The following TTF2 variants were observed in gnomAD, a reference collection of about 807,000 sequenced individuals.
TTF2 encodes transcription termination factor 2.
A neutral mutation model predicts 142.4 loss-of-function variants in TTF2; 108 were observed. That is an observed-to-expected ratio of 0.76 (90% CI 0.65 to 0.89). The LOEUF is 0.89. Ranked by LOEUF, TTF2 falls within the 40% of genes least tolerant of loss-of-function variation. The probability of loss-of-function intolerance (pLI) is 0.00; values close to 1 mark genes in which losing one functional copy is unlikely to be tolerated. For missense variants in TTF2, 1,327 were observed against 1,379.8 expected (o/e 0.96, Z 0.61); for synonymous variants, 483 against 506.2 (o/e 0.95, Z 0.61).
At chr1:117,095,130 G>A (rs1648994285) in intron 18 of TTF2, among the ~76,000 whole-genome samples, 179 bp from the exon 19 acceptor site, 1 of 152,230 alleles carries the variant, frequency 6.6e-6, no homozygotes, top group Non-Finnish European at 1.5e-5. Context: ...AGCCAGAGGG[G>A]TGAAGTGACA....
intron 3 of TTF2, among the ~76,000 whole-genome samples, chr1:117,068,262 T>G (rs1338609923): frequency 1.3e-5 from 2 of 152,176 alleles, no homozygotes; most frequent in Admixed American, 6.5e-5. Context: ...AATAATTGGT[T>G]GTGGTATCCT....
chr1:117,084,012 C>A lies in TTF2; in HGVS notation c.1904-6C>A. 6.2e-7 allele frequency: 1 copy of A among 1,612,534 alleles called. No individual in the cohort carries two copies. Among genetic ancestry groups the A allele is most frequent in the Non-Finnish European group, 8.5e-7 (1 of 1,179,492 alleles). ...AACTAGGCACTGATTTTTTTCCCTTCTCAAGACTCTTGTGACTTTACTTCC... is the reference window on the plus strand; with the variant it reads ...AACTAGGCACTGATTTTTTTCCCTTATCAAGACTCTTGTGACTTTACTTCC... On this transcript the variant is annotated splice_region_variant and splice_polypyrimidine_tract_variant and intron_variant, in intron 10 of 22. Transcript: ENST00000369466.
At chr1:117,067,524 C>CAAA (rs1161287519) in intron 3 of TTF2, among the ~76,000 whole-genome samples, 17 of 40,860 alleles carry the variant, frequency 4.2e-4, no homozygotes, top group African/African-American at 8.9e-4. Flanking sequence ...GACTCAGTCT[C>CAAA]AAAAAAAAAA....
chr1:117,086,315 T>C lies in TTF2; in HGVS notation c.2055-102T>C. The C allele has an allele frequency of 1.3e-6, 1 of 748,472 alleles. No homozygotes were observed. Among genetic ancestry groups the C allele is most frequent in the East Asian group, 2.6e-5 (1 of 38,702 alleles). The allele number at this position is 748,472 out of a possible 1,614,324, so 46.4% of individuals were successfully genotyped here. On this transcript the variant is annotated intron_variant, in intron 11 of 22. Transcript: ENST00000369466. The surrounding 1 kb of genome is among the most constrained non-coding windows in gnomAD (Gnocchi z 4.2). The stretch of plus-strand genomic sequence containing the variant: ...ACAAGTTAATGAGTTCTGCTGTTTG[T>C]CCTTCCATTTGTAGGCATTTTTATT...
rs545272018 is a variant in TTF2, at chr1:117,085,303, G to A, written c.2055-1114G>A. On this transcript the variant is annotated intron_variant, in intron 11 of 22. Transcript: ENST00000369466. This position sits in a 1 kb window ranked among gnomAD's most constrained non-coding sequence, Gnocchi z 4.7. ...GCATGGTGGCTCATGCCTATAATCC[G>A]AGCACTTTGGGAGGCCGAGGCAGGC... Among the ~76,000 whole-genome samples, 4 of 152,174 alleles carry A rather than the reference G, an allele frequency of 2.6e-5. No homozygotes were observed. The East Asian group carries it at 5.8e-4, about 22-fold the overall frequency.
At chr1:117,060,614 C>A in intron 2 of TTF2, 57 bp downstream of exon 2, 1 of 1,508,674 alleles carries the variant, frequency 6.6e-7, no homozygotes, top group Non-Finnish European at 8.9e-7. Context: ...CCGAGAGGAG[C>A]TTCCCGCTCC....
Position 117,093,370 on chromosome 1 carries a change from C to T in TTF2, c.2976+469C>T, listed in dbSNP as rs1648776194. Reference sequence around the variant, plus strand: ...TTCTGTCTTCATTAGTCATTCTGCTCTGTTTTCGTCAGAGCTTTTTAAGGC... The same window carrying T: ...TTCTGTCTTCATTAGTCATTCTGCTTTGTTTTCGTCAGAGCTTTTTAAGGC... On this transcript the variant is annotated intron_variant, in intron 18 of 22. Transcript: ENST00000369466. This position sits in a 1 kb window ranked among gnomAD's most constrained non-coding sequence, Gnocchi z 4.5. Among the ~76,000 whole-genome samples the T allele has an allele frequency of 6.6e-6, 1 of 152,172 alleles. No homozygotes were observed. Among genetic ancestry groups the T allele is most frequent in the Non-Finnish European group, 1.5e-5 (1 of 68,018 alleles).
At chr1:117,069,604 G>A (rs563621134) in intron 3 of TTF2, among the ~76,000 whole-genome samples, 1 of 152,198 alleles carries the variant, frequency 6.6e-6, no homozygotes, top group African/African-American at 2.4e-5. Context: ...ACCGTATGAG[G>A]TATGGACTAT....
chr1:117,075,380 G>A lies in TTF2; in HGVS notation c.796G>A (p.Val266Ile), dbSNP rs774503283. 7 of 1,614,080 alleles carry A rather than the reference G, an allele frequency of 4.3e-6. No individual in the cohort carries two copies. The highest frequency in any genetic ancestry group is 5.9e-6 in the Non-Finnish European group (7 of 1,180,046). ...EKVTQLLPQN[V>I]HSHNSISKPQ... is the part of the protein sequence containing the mutation. ...GGTTACCCAGCTTTTGCCTCAAAAT[G>A]TTCACAGTCACAACTCAATAAGCAA... Residue 266 changes from valine (V) to isoleucine (I), a missense_variant, in exon 5 of 23, where the codon GTT becomes ATT. By Grantham distance (29) the Val-to-Ile change is conservative (BLOSUM62 3). Transcript: ENST00000369466. The surrounding 1 kb of genome is among the most constrained non-coding windows in gnomAD (Gnocchi z 4.5).
At chr1:117,065,426 A>G (rs61789117) in intron 3 of TTF2, among the ~76,000 whole-genome samples, 9 of 152,138 alleles carry the variant, frequency 5.9e-5, no homozygotes, top group East Asian at 5.8e-4. Flanking sequence ...GTGAAACCCC[A>G]TCTCTACTAA....
In TTF2 at chr1:117,098,906, A is replaced by G; in HGVS notation, c.3343A>G (p.Arg1115Gly). The part of the protein sequence containing the change: ...VGQQKDVVIH[R>G]FVCEGTVEEK... ...GCAGCAGAAAGATGTTGTCATACAC[A>G]GGTAAGTAATGGTCCCCAGGACCCA... Residue 1115 changes from arginine to glycine, a missense_variant and splice_region_variant, in exon 22 of 23, where the codon AGA (arginine) becomes GGA (glycine). Coordinates refer to ENST00000369466, the MANE Select transcript of TTF2 (RefSeq NM_003594.4). 6.2e-7 allele frequency: 1 copy of G among 1,612,632 alleles called. No homozygotes were observed. Among genetic ancestry groups the G allele is most frequent in the Admixed American group, 1.7e-5 (1 of 59,852 alleles).
Position 117,102,652 on chromosome 1 carries a change from A to G in TTF2, c.*1128A>G, listed in dbSNP as rs913794567. ...TTTTAATAGTATTTGTATTTTTACA[A>G]ATTTGCAGTATTTGTAGCATTTAGT... On this transcript the variant is annotated 3_prime_UTR_variant, in exon 23 of 23. Transcript: ENST00000369466. 1.3e-5 allele frequency: 2 copies of G among 152,138 alleles called. No homozygotes were observed. Among genetic ancestry groups the G allele is most frequent in the Non-Finnish European group, 2.9e-5 (2 of 68,022 alleles). The allele number at this position is 152,138 out of a possible 1,614,324, so 9.4% of individuals were successfully genotyped here. A position where few individuals can be genotyped will look rare whatever the true frequency, so the allele number is the denominator to read the frequency against.
At chr1:117,094,719 CT>C in intron 18 of TTF2, 1 of 453,060 alleles carries the variant, frequency 2.2e-6, no homozygotes, top group East Asian at 6.6e-5. Context: ...AGAGAAGTTA[CT>C]TTCCTAATAT....
At position 117,090,455 on chromosome 1, in the gene TTF2, T is replaced by C. The variant is rs1247806045; in HGVS notation, c.2497-77T>C. 2 of 1,381,350 alleles carry C rather than the reference T, an allele frequency of 1.4e-6. No homozygotes were observed. The highest frequency in any genetic ancestry group is 4.6e-5 in the East Asian group (2 of 43,412). The allele number at this position is 1,381,350 out of a possible 1,614,324, so 85.6% of individuals were successfully genotyped here. ...TCCAGGGTTGACTAGATATGCAGTG[T>C]CAGTATGGGGAATTTGTTCTATAAT... On this transcript the variant is annotated intron_variant, in intron 14 of 22. Transcript: ENST00000369466. This position sits in a 1 kb window ranked among gnomAD's most constrained non-coding sequence, Gnocchi z 4.8.
Position 117,099,567 on chromosome 1 carries a change from T to C in TTF2, c.3344+660T>C, listed in dbSNP as rs533306135. Among the ~76,000 whole-genome samples, 1 of 152,326 alleles carries C rather than the reference T, an allele frequency of 6.6e-6. No individual in the cohort carries two copies. The highest frequency in any genetic ancestry group is 2.4e-5 in the African/African-American group (1 of 41,582). ...AACAGTACCCAGTCTTTGTGTTTTATGACATTGACATTTTGATGAGCATGA... is the reference window on the plus strand; with the variant it reads ...AACAGTACCCAGTCTTTGTGTTTTACGACATTGACATTTTGATGAGCATGA... On this transcript the variant is annotated intron_variant, in intron 22 of 22. Transcript: ENST00000369466. The surrounding 1 kb of genome is among the most constrained non-coding windows in gnomAD (Gnocchi z 4.3).
chr1:117,100,023 G>A lies in TTF2; in HGVS notation c.3344+1116G>A, dbSNP rs1401670095. Among the ~76,000 whole-genome samples the A allele has an allele frequency of 1.3e-5, 2 of 152,216 alleles. No individual in the cohort carries two copies. The highest frequency in any genetic ancestry group is 1.3e-4 in the Admixed American group (2 of 15,290). On this transcript the variant is annotated intron_variant, in intron 22 of 22. Transcript: ENST00000369466. This position sits in a 1 kb window ranked among gnomAD's most constrained non-coding sequence, Gnocchi z 4.6. ...CTATCGCAGTCCCTGCTAAATATCT[G>A]AATCCGAGTGTCCACATACTCATCT...
At chr1:117,095,411 T>C in intron 19 of TTF2, 44 bp downstream of exon 19, 2 of 1,577,470 alleles carry the variant, frequency 1.3e-6, no homozygotes, top group Non-Finnish European at 1.7e-6. Context: ...CATAATTATG[T>C]GAGAAAATTT....
In TTF2 at chr1:117,074,877, A is replaced by T; in HGVS notation, c.293A>T (p.Asp98Val). The change falls in exon 5 of 23, where the codon GAT becomes GTT. Residue 98 changes from aspartate to valine, a missense_variant. Asp to Val is a radical substitution (Grantham distance 152). Coordinates refer to ENST00000369466, the MANE Select transcript of TTF2 (RefSeq NM_003594.4). ...TAATTATTTTGTCTTTAGGATCCTG[A>T]TTCCAAAGAACATTCTGTATCCAAT... ...WCGSIPWQDP[D>V]SKEHSVSNKS... 6.4e-7 allele frequency: 1 copy of T among 1,566,628 alleles called. No homozygotes were observed. Among genetic ancestry groups the T allele is most frequent in the Non-Finnish European group, 8.6e-7 (1 of 1,162,054 alleles).
At position 117,091,921 on chromosome 1, in the gene TTF2, T is replaced by C. The variant is rs1355753142; in HGVS notation, c.2776T>C (p.Cys926Arg). The change falls in exon 17 of 23, where the codon TGT becomes CGT. Residue 926 changes from cysteine to arginine, a missense_variant. Transcript: ENST00000369466. Reference sequence around the variant, plus strand: ...GTCCCAGTTGCTGAGACTCCGCCAGTGTTGCTGTCATCTTTCTTTACTGAA... The same window carrying C: ...GTCCCAGTTGCTGAGACTCCGCCAGCGTTGCTGTCATCTTTCTTTACTGAA... ...ILSQLLRLRQ[C>R]CCHLSLLKSA... The C allele has an allele frequency of 1.9e-6, 3 of 1,612,458 alleles. No homozygotes were observed. The highest frequency in any genetic ancestry group is 1.1e-5 in the South Asian group (1 of 90,964).
Sources: gnomAD v4.1 joint callset for allele counts (sites outside exome capture counted in the v4.1 genomes callset) on GRCh38, gnomAD v4.1.1 for gene constraint, Gnocchi (gnomAD v3.1) non-coding constraint, MANE v1.5 for transcripts, NCBI Gene and HGNC (gene_info 2026-07-23, HGNC 2026-07-21) for gene names.